ASAP1: variants seen among roughly 807,000 people sequenced by gnomAD.
ASAP1 encodes arf-GAP with SH3 domain, ANK repeat and PH domain-containing protein 1.
ASAP1 carries 43 observed loss-of-function variants against 145.2 expected under a neutral mutation model. The ratio of observed to expected loss-of-function variants is 0.30; its 90% CI spans 0.23 to 0.38. The LOEUF (loss-of-function observed/expected upper bound fraction) is 0.38, where lower values mean the gene tolerates loss of function less well. Ranked by LOEUF, ASAP1 falls within the 10% of genes least tolerant of loss-of-function variation. The pLI is 1.00. For missense variants in ASAP1, 1,018 were observed against 1,355.3 expected, an observed-to-expected ratio of 0.75 and a Z score of 3.91; for synonymous variants, 546 against 515.5, an observed-to-expected ratio of 1.06 and a Z score of -0.80.
At chr8:130,189,615 T>C (rs1365552404) in intron 5 of ASAP1, among the ~76,000 whole-genome samples, 1 of 152,202 alleles carries the variant, frequency 6.6e-6, no homozygotes, top group Non-Finnish European at 1.5e-5. Flanking sequence ...CCGATGAACA[T>C]GAGAGTACGG....
At chr8:130,094,296 G>A (rs1279726055) in intron 24 of ASAP1, among the ~76,000 whole-genome samples, 4 of 152,142 alleles carry the variant, frequency 2.6e-5, no homozygotes, top group African/African-American at 9.6e-5. Flanking sequence ...CTGCAGCCCT[G>A]ATCTCCTGGG....
chr8:130,308,283 C>G (rs912127198), intron 3 of ASAP1, among the ~76,000 whole-genome samples: 2 of 152,138 alleles, frequency 1.3e-5, no homozygotes, highest in Admixed American at 6.5e-5. Context: ...ACTCCAAACT[C>G]GAAAATAACC....
intron 3 of ASAP1, among the ~76,000 whole-genome samples, chr8:130,355,555 T>C (rs946444646): frequency 3.3e-5 from 5 of 152,178 alleles, no homozygotes; most frequent in African/African-American, 1.2e-4. Context: ...GCCACATTCT[T>C]AAAGTTTCCA....
rs1271146422 is a variant in ASAP1, at chr8:130,285,558, G to A, written c.187-48564C>T. On this transcript the variant is annotated intron_variant, in intron 3 of 29. Transcript: ENST00000518721. ...TTTAATTACTGAAATGAAGAGAGTC[G>A]TCATATATGTAGCTTCAAAAATATT... is the stretch of plus-strand genomic sequence containing the variant. 5.3e-5 allele frequency among the ~76,000 whole-genome samples: 8 copies of A among 152,242 alleles called. No individual in the cohort carries two copies. The East Asian group carries it at 5.8e-4, about 11-fold the overall frequency.
At chr8:130,215,998 AG>A in intron 4 of ASAP1, among the ~76,000 whole-genome samples, 1 of 137,112 alleles carries the variant, frequency 7.3e-6, no homozygotes, top group African/African-American at 3.0e-5. Context: ...AGGAAAGGAA[AG>A]GAAAGGAAAG....
chr8:130,193,571 A>G (rs183165812), intron 5 of ASAP1, among the ~76,000 whole-genome samples: 2 of 152,342 alleles, frequency 1.3e-5, no homozygotes, highest in African/African-American at 4.8e-5. Flanking sequence ...TAAAAAGTCA[A>G]AAATTTAAAA....
At chr8:130,296,508 CTT>C (rs554026885) in intron 3 of ASAP1, among the ~76,000 whole-genome samples, 134 of 138,742 alleles carry the variant, frequency 9.7e-4, no homozygotes, top group African/African-American at 2.7e-3. Context: ...TGCTACTTCC[CTT>C]TTTTTTTTTT....
At chr8:130,393,962 C>T (rs963971619) in intron 2 of ASAP1, among the ~76,000 whole-genome samples, 2 of 152,148 alleles carry the variant, frequency 1.3e-5, no homozygotes, top group Non-Finnish European at 2.9e-5. Flanking sequence ...TTGTGATTTC[C>T]TATGCCTGTC....
chr8:130,057,488 G>A (rs1343668109), intron 29 of ASAP1, among the ~76,000 whole-genome samples: 2 of 151,910 alleles, frequency 1.3e-5, no homozygotes, highest in Non-Finnish European at 2.9e-5. Context: ...TCGCTCTGTT[G>A]CCCAGGCTGG....
At chr8:130,161,329 T>C (rs1023793328) in intron 11 of ASAP1, among the ~76,000 whole-genome samples, 17 of 152,238 alleles carry the variant, frequency 1.1e-4, no homozygotes, top group African/African-American at 3.1e-4. Flanking sequence ...GAAATACCTT[T>C]AACGCCAGGA....
intron 3 of ASAP1, among the ~76,000 whole-genome samples, chr8:130,241,680 T>C (rs896103348): frequency 7.2e-5 from 11 of 152,166 alleles, no homozygotes; most frequent in African/African-American, 2.7e-4. Flanking sequence ...ATATCTAATA[T>C]GTATAGCCAT....
chr8:130,205,542 T>C (rs1035277624), intron 5 of ASAP1, among the ~76,000 whole-genome samples: 1 of 150,618 alleles, frequency 6.6e-6, no homozygotes, highest in Non-Finnish European at 1.5e-5. Context: ...AATGAAACAG[T>C]ATGCAGCCTG....
At chr8:130,068,299 T>G (rs2097434549) in intron 27 of ASAP1, among the ~76,000 whole-genome samples, 1 of 152,194 alleles carries the variant, frequency 6.6e-6, no homozygotes, top group Non-Finnish European at 1.5e-5. Context: ...TGCCTGAGCT[T>G]AGTCCACTAG....
intron 13 of ASAP1, among the ~76,000 whole-genome samples, chr8:130,143,654 T>C (rs1586429865): frequency 6.6e-6 from 1 of 152,164 alleles, no homozygotes; most frequent in Admixed American, 6.5e-5. Flanking sequence ...AAAGTGGCTG[T>C]TTAGCTAGGA....
At chr8:130,160,087 T>C (rs1010519939) in intron 11 of ASAP1, 123 bp from the exon 12 acceptor site, 3 of 779,900 alleles carry the variant, frequency 3.8e-6, no homozygotes, top group Non-Finnish European at 6.5e-6. Flanking sequence ...CTTTAAGAGC[T>C]GTCAGGTCCT....
At chr8:130,376,031 T>TAAC (rs1204766174) in intron 2 of ASAP1, among the ~76,000 whole-genome samples, 1 of 152,226 alleles carries the variant, frequency 6.6e-6, no homozygotes, top group African/African-American at 2.4e-5. Context: ...ATACACAAAT[T>TAAC]AACAACAACA....
chr8:130,341,117 G>A (rs1186199752), intron 3 of ASAP1, among the ~76,000 whole-genome samples: 6 of 152,076 alleles, frequency 3.9e-5, no homozygotes, highest in Admixed American at 3.3e-4. Flanking sequence ...GTGACAAGAT[G>A]CATTACAGCA....
At chr8:130,195,348 G>GAT (rs1169896530) in intron 5 of ASAP1, 1 of 137,712 alleles carries the variant, frequency 7.3e-6, no homozygotes, top group Admixed American at 7.8e-5. Context: ...AACAGCCTGG[G>GAT]AAGTATAGCA....
intron 2 of ASAP1, among the ~76,000 whole-genome samples, chr8:130,362,073 C>G (rs991047207): frequency 1.3e-5 from 2 of 152,198 alleles, no homozygotes; most frequent in Non-Finnish European, 2.9e-5. Context: ...GCAGCAGGAA[C>G]AGTGGTGGCT....
Sources: allele counts gnomAD v4.1 joint callset (sites outside exome capture counted in the v4.1 genomes callset), GRCh38; gene constraint gnomAD v4.1.1; transcripts MANE v1.5; gene names NCBI Gene and HGNC (gene_info 2026-07-23, HGNC 2026-07-21).